The following COLEC12 variants were observed in gnomAD, a reference collection of about 807,000 sequenced individuals.
COLEC12 encodes the protein collectin subfamily member 12, also known as collectin-12.
Under a neutral mutation model 71.1 loss-of-function variants are expected in COLEC12, and 33 were observed. The observed-to-expected ratio is 0.46, with a 90% CI of 0.35 to 0.62. The LOEUF is 0.62. Ranked by LOEUF, COLEC12 falls within the 20% of genes least tolerant of loss-of-function variation. The pLI is 0.00. For synonymous variants in COLEC12, 350 were observed against 353.0 expected (o/e 0.99, Z 0.10); for missense variants, 765 against 916.1 (o/e 0.84, Z 2.13).
At chr18:433,108 T>A (rs2143678498) in intron 2 of COLEC12, among the ~76,000 whole-genome samples, 1 of 152,320 alleles carries the variant, frequency 6.6e-6, no homozygotes, top group African/African-American at 2.4e-5. Context: ...CAGTTCTGCC[T>A]AATTTCTCTA....
chr18:416,336 A>C (rs2143645201), intron 2 of COLEC12, among the ~76,000 whole-genome samples: 1 of 152,338 alleles, frequency 6.6e-6, no homozygotes, highest in African/African-American at 2.4e-5. Flanking sequence ...TGAAACACTC[A>C]ACAGAACTGG....
intron 2 of COLEC12, among the ~76,000 whole-genome samples, chr18:432,547 T>G (rs1916325030): frequency 6.6e-6 from 1 of 152,166 alleles, no homozygotes; most frequent in Non-Finnish European, 1.5e-5. Flanking sequence ...AGGGAAAAAT[T>G]TGGGTGTATC....
intron 5 of COLEC12, among the ~76,000 whole-genome samples, chr18:335,754 T>C (rs1183088136): frequency 1.3e-5 from 2 of 151,008 alleles, no homozygotes; most frequent in Non-Finnish European, 2.9e-5. Context: ...ACTGTGTATA[T>C]GGCAGCCCAA....
rs1467804144 is a variant in COLEC12 at position 318,917 on chromosome 18, T to C, written c.*1128A>G. 1 of 152,158 alleles carries C rather than the reference T, an allele frequency of 6.6e-6. No homozygotes were observed. The highest frequency in any genetic ancestry group is 2.4e-5 in the African/African-American group (1 of 41,436). 9.4% of individuals were successfully genotyped at this position (152,158 alleles called of 1,614,324 possible). ...GAAAACAAACTTTCCAGGTAACACG[T>C]AGCCGGTTCCCATCTTTCTAGCATC... On this transcript the variant is annotated 3_prime_UTR_variant, in exon 10 of 10. Transcript: ENST00000400256.
Position 362,418 on chromosome 18 carries a change from T to C in COLEC12, c.59-4896A>G, listed in dbSNP as rs1369184649. On this transcript the variant is annotated intron_variant, in intron 2 of 9. Transcript: ENST00000400256. The surrounding 1 kb of genome is among the most constrained non-coding windows in gnomAD (Gnocchi z 4.6). ...TCTGGCCAAACACACGGATGCCTAC[T>C]ACAAAGGGACCCTGCTGGCTCCTGT... Among the ~76,000 whole-genome samples the C allele has an allele frequency of 6.6e-6, 1 of 152,142 alleles. No individual in the cohort carries two copies. The highest frequency in any genetic ancestry group is 1.5e-5 in the Non-Finnish European group (1 of 68,014).
chr18:359,177 A>G (rs1160091363), intron 2 of COLEC12, among the ~76,000 whole-genome samples: 3 of 152,192 alleles, frequency 2.0e-5, no homozygotes, highest in African/African-American at 7.2e-5. Flanking sequence ...GTAAGAGCCA[A>G]CTGTTAAATT....
At chr18:467,754 A>G (rs1460457820) in intron 2 of COLEC12, among the ~76,000 whole-genome samples, 1 of 152,216 alleles carries the variant, frequency 6.6e-6, no homozygotes, top group Non-Finnish European at 1.5e-5. Context: ...AAATGCTTCA[A>G]TACTCATAGA....
chr18:455,423 G>A (rs867331987), intron 2 of COLEC12, among the ~76,000 whole-genome samples: 1 of 151,900 alleles, frequency 6.6e-6, no homozygotes, highest in African/African-American at 2.4e-5. Flanking sequence ...GACTACAGGT[G>A]CCCGCCACCA....
intron 2 of COLEC12, among the ~76,000 whole-genome samples, chr18:385,015 A>G (rs1038567969): frequency 2.0e-5 from 3 of 152,206 alleles, no homozygotes; most frequent in African/African-American, 7.2e-5. Context: ...CTCTAGAAGG[A>G]TATCTGCTGA....
intron 2 of COLEC12, among the ~76,000 whole-genome samples, chr18:469,884 T>TA (rs397775361): frequency 4.6e-5 from 7 of 151,908 alleles, no homozygotes; most frequent in East Asian, 1.9e-4. Context: ...ATTTTTTTTT[T>TA]ATAACTTTTG....
chr18:356,657 AAAG>A (rs1182580395), intron 3 of COLEC12, among the ~76,000 whole-genome samples: 5 of 152,212 alleles, frequency 3.3e-5, no homozygotes, highest in South Asian at 2.1e-4. Context: ...CGTGTCTTTT[AAAG>A]AAGGTTTCCC....
At chr18:472,158 G>A (rs1017989037) in intron 2 of COLEC12, among the ~76,000 whole-genome samples, 3 of 152,132 alleles carry the variant, frequency 2.0e-5, no homozygotes, top group Admixed American at 6.6e-5. Context: ...AGAGGAGGAC[G>A]CTCAGGCACA....
At chr18:432,098 A>AT (rs1290641053) in intron 2 of COLEC12, among the ~76,000 whole-genome samples, 1 of 152,176 alleles carries the variant, frequency 6.6e-6, no homozygotes, top group Non-Finnish European at 1.5e-5. Context: ...CATCTTCTCC[A>AT]TCTTTTTGTC....
At chr18:473,208 T>G (rs1639308338) in intron 2 of COLEC12, among the ~76,000 whole-genome samples, 2 of 152,022 alleles carry the variant, frequency 1.3e-5, no homozygotes, top group African/African-American at 4.8e-5. Flanking sequence ...GCCCACAGTG[T>G]AGACTGAACA....
At chr18:320,837 T>C (rs1462527721) in intron 9 of COLEC12, among the ~76,000 whole-genome samples, 1 of 152,180 alleles carries the variant, frequency 6.6e-6, no homozygotes, top group Non-Finnish European at 1.5e-5. Context: ...GGTCGTGTGT[T>C]AAATGAAGCT....
chr18:453,449 T>TAG (rs1315539024), intron 2 of COLEC12, among the ~76,000 whole-genome samples: 1 of 152,040 alleles, frequency 6.6e-6, no homozygotes, highest in Non-Finnish European at 1.5e-5. Flanking sequence ...CATGCAGAGA[T>TAG]ACAGAGAGAG....
At chr18:354,310 G>A (rs1914584002) in intron 3 of COLEC12, among the ~76,000 whole-genome samples, 1 of 152,228 alleles carries the variant, frequency 6.6e-6, no homozygotes, top group Non-Finnish European at 1.5e-5. Context: ...GGGTGACTGA[G>A]CGATTCTCTG....
intron 8 of COLEC12, among the ~76,000 whole-genome samples, chr18:324,594 C>T (rs997453532): frequency 1.9e-4 from 29 of 151,596 alleles, no homozygotes; most frequent in African/African-American, 5.1e-4. Context: ...TTTGGGAGGC[C>T]GAGGTGGGTG....
chr18:321,669 C>G lies in COLEC12; in HGVS notation c.2202G>C (p.Arg734Ser). 6.2e-7 allele frequency: 1 copy of G among 1,614,168 alleles called. No homozygotes were observed. The highest frequency in any genetic ancestry group is 1.3e-5 in the African/African-American group (1 of 75,060). ...DVNNFICEKD[R>S]ETVLSSAL is the part of the protein sequence containing the mutation. ...ATCCCATCTACTGCTCACCTGTCTCCCTGTCTTTTTCGCAAATGAAGTTAT... is the reference window on the plus strand; with the variant it reads ...ATCCCATCTACTGCTCACCTGTCTCGCTGTCTTTTTCGCAAATGAAGTTAT... Residue 734 changes from arginine to serine, a missense_variant, in exon 9 of 10, where the codon AGG (arginine) becomes AGC (serine). Transcript: ENST00000400256.
Sources: gnomAD v4.1 joint callset for allele counts (sites outside exome capture counted in the v4.1 genomes callset) on GRCh38, gnomAD v4.1.1 for gene constraint, Gnocchi (gnomAD v3.1) non-coding constraint, MANE v1.5 for transcripts, NCBI Gene and HGNC (gene_info 2026-07-23, HGNC 2026-07-21) for gene names.